The following SPINK8 variants were observed in gnomAD, a reference collection of about 807,000 sequenced individuals.
SPINK8 encodes serine protease inhibitor Kazal-type 8.
In SPINK8, 12 loss-of-function variants were observed where a neutral mutation model predicts 14.4. The observed-to-expected ratio is 0.83, with a 90% CI of 0.53 to 1.35. The LOEUF is 1.35. Ranked by LOEUF, SPINK8 falls within the 40% of genes most tolerant of loss-of-function variation. The pLI, the probability that SPINK8 is intolerant of heterozygous loss-of-function variation, is 0.00. For synonymous variants in SPINK8, 32 were observed against 37.6 expected (o/e 0.85, Z 0.55); for missense variants, 103 against 117.0 (o/e 0.88, Z 0.55).
chr3:48,314,729 T>C (rs900082138), intron 6 of SPINK8, among the ~76,000 whole-genome samples: 1 of 152,238 alleles, frequency 6.6e-6, no homozygotes, highest in Non-Finnish European at 1.5e-5. Context: ...TTTAACATCA[T>C]GGCTGCTGCA....
Position 48,319,599 on chromosome 3 carries a change from A to T in SPINK8, c.137T>A (p.Val46Glu). Reference protein sequence around the residue: ...DKTIVECLKNVNKCWFLSYIK... With the variant: ...DKTIVECLKNENKCWFLSYIK... The stretch of plus-strand genomic sequence containing the variant: ...GTAGGATAAAAACCAGCACTTATTT[A>T]CATTCTTGAGGCATTCAACCTGAAG... The change falls in exon 6 of 8, where the codon GTA becomes GAA. Residue 46 changes from valine (V) to glutamate (E), a missense_variant. Val to Glu is a moderately radical substitution (Grantham distance 121, BLOSUM62 -2). Coordinates refer to ENST00000434006, the MANE Select transcript of SPINK8 (RefSeq NM_001080525.3). The T allele has an allele frequency of 6.2e-7, 1 of 1,613,982 alleles. No individual in the cohort carries two copies. Among genetic ancestry groups the T allele is most frequent in the Non-Finnish European group, 8.5e-7 (1 of 1,179,866 alleles).
chr3:48,329,903 A>C (rs933482798), intron 2 of SPINK8, among the ~76,000 whole-genome samples: 1 of 152,234 alleles, frequency 6.6e-6, no homozygotes, highest in African/African-American at 2.4e-5. Context: ...AGAGCTGAGA[A>C]ATCTGGAGAT....
At position 48,311,389 on chromosome 3, in the gene SPINK8, C is replaced by T. The variant is rs974512796; in HGVS notation, c.240-1443G>A. Among the ~76,000 whole-genome samples the T allele has an allele frequency of 1.5e-4, 23 of 151,768 alleles. 1 individual carries two copies. In the Middle Eastern group the frequency reaches 0.01, roughly 67 times the overall value. Reference sequence around the variant, plus strand: ...TCAACATTGGACTGGAAATTCTAGGCGAGCAATTAGGCAAGAAAAAGAAAT... The same window carrying T: ...TCAACATTGGACTGGAAATTCTAGGTGAGCAATTAGGCAAGAAAAAGAAAT... On this transcript the variant is annotated intron_variant, in intron 6 of 7. Coordinates refer to ENST00000434006, the MANE Select transcript of SPINK8 (RefSeq NM_001080525.3).
At chr3:48,333,052 G>T (rs2036286234) in intron 1 of SPINK8, among the ~76,000 whole-genome samples, 1 of 151,820 alleles carries the variant, frequency 6.6e-6, no homozygotes, top group African/African-American at 2.4e-5. Flanking sequence ...GGAGCCGGGG[G>T]AACGCCGGGG....
At chr3:48,330,387 T>TG (rs753853363) in intron 2 of SPINK8, among the ~76,000 whole-genome samples, 21 of 152,026 alleles carry the variant, frequency 1.4e-4, no homozygotes, top group Non-Finnish European at 2.8e-4. Context: ...GGCGTGGTGG[T>TG]GCGTGCCTGT....
chr3:48,330,298 C>T (rs545392358), intron 2 of SPINK8, among the ~76,000 whole-genome samples: 109 of 152,210 alleles, frequency 7.2e-4, no homozygotes, highest in Non-Finnish European at 1.2e-3. Context: ...GCAGGCGGAT[C>T]GCTTGAGGCT....
rs1029884511 is a variant in SPINK8 at position 48,322,414 on chromosome 3, C to T, written c.68-1340G>A. On this transcript the variant is annotated intron_variant, in intron 4 of 7. Coordinates refer to ENST00000434006, the MANE Select transcript of SPINK8 (RefSeq NM_001080525.3). ...GCAGTGGCGCGATCTCAGCTCACTG[C>T]AACCTCGGCCTCCTGGGTTCAAGTG... 1.2e-4 allele frequency among the ~76,000 whole-genome samples: 19 copies of T among 152,020 alleles called. 1 individual carries two copies. The highest frequency in any genetic ancestry group is 4.6e-4 in the African/African-American group (19 of 41,390).
chr3:48,312,794 C>T (rs1239456434), intron 6 of SPINK8, among the ~76,000 whole-genome samples: 6 of 150,512 alleles, frequency 4.0e-5, no homozygotes, highest in Admixed American at 2.6e-4. Flanking sequence ...GTCAGAAGTT[C>T]GAGACCAGCC....
intron 7 of SPINK8, among the ~76,000 whole-genome samples, chr3:48,307,545 C>A (rs778102988): frequency 1.4e-5 from 2 of 147,656 alleles, no homozygotes; most frequent in Non-Finnish European, 3.0e-5. Flanking sequence ...CCCCCCACCC[C>A]CCCACCTCTT....
chr3:48,317,464 C>A lies in SPINK8; in HGVS notation c.239+2033G>T, dbSNP rs556972738. Among the ~76,000 whole-genome samples, 11 of 151,600 alleles carry A rather than the reference C, an allele frequency of 7.3e-5. No individual in the cohort carries two copies. In the South Asian group the frequency reaches 2.3e-3, roughly 32 times the overall value. On this transcript the variant is annotated intron_variant, in intron 6 of 7. Coordinates refer to ENST00000434006, the MANE Select transcript of SPINK8 (RefSeq NM_001080525.3). ...GACCACAGTATTGCACTCCAGCATG[C>A]GCAACAAAAGTGAAACTACATCTCA...
At chr3:48,314,566 C>T (rs1203087685) in intron 6 of SPINK8, among the ~76,000 whole-genome samples, 4 of 152,148 alleles carry the variant, frequency 2.6e-5, no homozygotes, top group Non-Finnish European at 1.5e-5. Context: ...GCCTTCAATG[C>T]ACCATTACCA....
At chr3:48,320,102 C>A (rs1256782191) in intron 5 of SPINK8, among the ~76,000 whole-genome samples, 1 of 151,532 alleles carries the variant, frequency 6.6e-6, no homozygotes, top group African/African-American at 2.4e-5. Context: ...TGCACTCCAG[C>A]CTGGGCGACA....
intron 6 of SPINK8, among the ~76,000 whole-genome samples, chr3:48,310,741 C>T (rs1039873238): frequency 1.3e-5 from 2 of 152,082 alleles, no homozygotes; most frequent in Admixed American, 1.3e-4. Flanking sequence ...TCAGGTGATC[C>T]ACCCGCTTCG....
chr3:48,315,720 C>CAAAAAAAAAA (rs66504818), intron 6 of SPINK8, among the ~76,000 whole-genome samples: 298 of 21,898 alleles, frequency 0.014, 34 homozygotes, highest in East Asian at 0.022. Context: ...GACTCCATCT[C>CAAAAAAAAAA]AAAAAAAAAA....
At chr3:48,317,669 C>G (rs948173957) in intron 6 of SPINK8, among the ~76,000 whole-genome samples, 1 of 151,856 alleles carries the variant, frequency 6.6e-6, no homozygotes, top group Non-Finnish European at 1.5e-5. Context: ...GCACCCGCCA[C>G]CACGTCTGGC....
intron 6 of SPINK8, among the ~76,000 whole-genome samples, chr3:48,315,890 C>T (rs1305662264): frequency 6.6e-6 from 1 of 151,820 alleles, no homozygotes; most frequent in African/African-American, 2.4e-5. Flanking sequence ...ATTACAATGA[C>T]CTAGAATGAA....
chr3:48,314,694 T>C (rs936154939), intron 6 of SPINK8, among the ~76,000 whole-genome samples: 9 of 152,236 alleles, frequency 5.9e-5, no homozygotes, highest in African/African-American at 2.2e-4. Flanking sequence ...TGGGAAAATT[T>C]GTTGAAAACA....
intron 6 of SPINK8, among the ~76,000 whole-genome samples, chr3:48,314,175 T>C (rs755940960): frequency 6.6e-6 from 1 of 152,196 alleles, no homozygotes; most frequent in Non-Finnish European, 1.5e-5. Context: ...AGAACTTTGA[T>C]AAGTTGCTCC....
At chr3:48,310,128 G>A (rs6793239) in intron 6 of SPINK8, among the ~76,000 whole-genome samples, 182 bp from the exon 7 acceptor site, 1 of 151,912 alleles carries the variant, frequency 6.6e-6, no homozygotes, top group Non-Finnish European at 1.5e-5. Context: ...ATTGAGTATA[G>A]AAAACATACT....
Sources: gnomAD v4.1 joint callset for allele counts (sites outside exome capture counted in the v4.1 genomes callset) on GRCh38, gnomAD v4.1.1 for gene constraint, MANE v1.5 for transcripts, NCBI Gene and HGNC (gene_info 2026-07-23, HGNC 2026-07-21) for gene names.